Variants in ZSCAN18 observed in about 807,000 individuals in gnomAD.
ZSCAN18 encodes zinc finger and SCAN domain-containing protein 18.
Under a neutral mutation model 31.1 loss-of-function variants are expected in ZSCAN18, and 16 were observed. That is an observed-to-expected ratio of 0.51 (90% CI 0.35 to 0.78). The LOEUF is 0.78. Among genes scored for constraint, ZSCAN18 ranks in the 30% least tolerant of loss-of-function variants. The pLI is 0.01. For missense variants in ZSCAN18, 731 were observed against 697.4 expected (o/e 1.05, Z -0.54); for synonymous variants, 375 against 320.7 (o/e 1.17, Z -1.81).
rs557954903 is a variant in ZSCAN18, at chr19:58,112,669, T to C, written c.130+5598A>G. ...GTCTCAAAAAAAAGAAAAAAAAGTT[T>C]AGGCCAAGCTCAGCTGACGCCTGTA... On this transcript the variant is annotated intron_variant, in intron 1 of 1. Transcript: ENST00000595721. Among the ~76,000 whole-genome samples the C allele has an allele frequency of 1.0e-4, 15 of 145,564 alleles. No homozygotes were observed. The South Asian group carries it at 2.4e-3, about 23-fold the overall frequency.
At chr19:58,108,341 G>A (rs375672465) in intron 1 of ZSCAN18, 10 of 985,308 alleles carry the variant, frequency 1.0e-5, no homozygotes, top group African/African-American at 8.7e-5. Flanking sequence ...CATTACATTC[G>A]AATAGTTTTT....
upstream of ZSCAN18, among the ~76,000 whole-genome samples, chr19:58,103,128 A>G (rs1044493106): frequency 6.6e-6 from 1 of 151,784 alleles, no homozygotes; most frequent in Non-Finnish European, 1.5e-5. Context: ...TCTAAAAAAA[A>G]ATAAAAAAAT....
upstream of ZSCAN18, chr19:58,098,415 C>A (rs1041598253): frequency 1.0e-6 from 1 of 980,484 alleles, no homozygotes; most frequent in Non-Finnish European, 1.2e-6. Context: ...TCATTTTGGG[C>A]ACCATGGCAA....
intron 1 of ZSCAN18, among the ~76,000 whole-genome samples, chr19:58,111,707 G>A (rs547668791): frequency 1.3e-5 from 2 of 152,176 alleles, no homozygotes; most frequent in East Asian, 3.9e-4. Flanking sequence ...ATTCCTCTCA[G>A]ACTCTTCCAA....
At chr19:58,118,076 A>AG (rs930487661) in intron 1 of ZSCAN18, among the ~76,000 whole-genome samples, 52 of 152,164 alleles carry the variant, frequency 3.4e-4, no homozygotes, top group African/African-American at 1.2e-3. Context: ...CCGCACGCCA[A>AG]GGGGAGAAGA....
chr19:58,089,886 C>A lies in ZSCAN18; in HGVS notation c.382G>T (p.Ala128Ser). ...CCACCTGGCTCTTCCAGGACATCAG[C>A]GAGGCCCTCCACCAGGGAGGCTGCC... The part of the protein sequence containing the change: ...KKAASLVEGL[A>S]DVLEEPGMLL... Residue 128 changes from alanine to serine, a missense_variant, in exon 2 of 7, where the codon GCT becomes TCT. Physicochemically the swap from Ala to Ser is moderately conservative, Grantham distance 99 (BLOSUM62 1). Coordinates refer to ENST00000601144, the MANE Select transcript of ZSCAN18 (RefSeq NM_001145543.2). 1 of 1,611,482 alleles carries A rather than the reference C, an allele frequency of 6.2e-7. No individual in the cohort carries two copies. The highest frequency in any genetic ancestry group is 2.2e-5 in the East Asian group (1 of 44,834).
chr19:58,117,936 G>C (rs2074745243), intron 1 of ZSCAN18, among the ~76,000 whole-genome samples: 1 of 152,280 alleles, frequency 6.6e-6, no homozygotes, highest in South Asian at 2.1e-4. Flanking sequence ...AAGGGTATGG[G>C]GGCCCACGCC....
intron 1 of ZSCAN18, chr19:58,118,204 G>T: frequency 1.2e-6 from 1 of 806,982 alleles, no homozygotes; most frequent in Non-Finnish European, 1.8e-6. Flanking sequence ...TACCCTCACA[G>T]ACAGAAAGAG....
rs1426813537 is a variant in ZSCAN18, at chr19:58,085,244, T to G, written c.974A>C (p.Glu325Ala). Residue 325 changes from glutamate (E) to alanine (A), a missense_variant, in exon 7 of 7, where the codon GAG becomes GCG. Glu to Ala is a moderately radical substitution (Grantham distance 107). Coordinates refer to ENST00000601144, the MANE Select transcript of ZSCAN18 (RefSeq NM_001145543.2). ...CGGGGCCTTCCCAGGCTGCTCTTCC[T>G]CCTCCTCAGTGGTGCCCGACGGGGG... ...ADPPSGTTEE[E>A]EEQPGKAPDP... 1 of 1,606,526 alleles carries G rather than the reference T, an allele frequency of 6.2e-7. No homozygotes were observed. Among genetic ancestry groups the G allele is most frequent in the African/African-American group, 1.3e-5 (1 of 74,800 alleles).
In ZSCAN18 at chr19:58,112,370, G is replaced by A. The variant is rs1003924276; in HGVS notation, c.130+5897C>T. On this transcript the variant is annotated intron_variant, in intron 1 of 1. Coordinates refer to the ZSCAN18 transcript ENST00000595721. ...GGCATGATTAAAAAACATACTCAAG[G>A]CTGGGCGTGGTGGCTCACGCCTGTA... Among the ~76,000 whole-genome samples the A allele has an allele frequency of 2.6e-5, 4 of 152,206 alleles. No homozygotes were observed. The East Asian group carries it at 7.8e-4, about 30-fold the overall frequency.
At chr19:58,098,371 G>T (rs2074562627), upstream of ZSCAN18, 19 of 985,406 alleles carry the variant, frequency 1.9e-5, no homozygotes, top group Admixed American at 1.2e-3. Flanking sequence ...CGCGAGTGTG[G>T]CCTCCCGGCG....
At chr19:58,088,529 C>A in intron 3 of ZSCAN18, 159 bp downstream of exon 3, 1 of 662,830 alleles carries the variant, frequency 1.5e-6, no homozygotes, top group South Asian at 2.1e-5. Flanking sequence ...TAAACAATGT[C>A]TAACATTCAG....
intron 1 of ZSCAN18, among the ~76,000 whole-genome samples, chr19:58,115,639 G>C (rs900051349): frequency 3.9e-5 from 6 of 152,202 alleles, no homozygotes; most frequent in Non-Finnish European, 5.9e-5. Flanking sequence ...CCTCTCTGAA[G>C]AACAATTCAG....
At chr19:58,107,703 G>C (rs945046072) in intron 1 of ZSCAN18, 5 of 988,674 alleles carry the variant, frequency 5.1e-6, no homozygotes, top group African/African-American at 1.7e-5. Flanking sequence ...CTCTGACAAA[G>C]AGGAGGCAAA....
rs1475558436 is a variant in ZSCAN18 at position 58,116,804 on chromosome 19, G to A, written c.130+1463C>T. 2.6e-5 allele frequency among the ~76,000 whole-genome samples: 4 copies of A among 152,320 alleles called. No homozygotes were observed. The South Asian group carries it at 6.2e-4, about 24-fold the overall frequency. Reference sequence around the variant, plus strand: ...TGACCTGACAGGCTTCCACTGAATCGTGAGGAGGCCAGAGGCACGGGAGCA... The same window carrying A: ...TGACCTGACAGGCTTCCACTGAATCATGAGGAGGCCAGAGGCACGGGAGCA... On this transcript the variant is annotated intron_variant, in intron 1 of 1. Coordinates refer to the ZSCAN18 transcript ENST00000595721.
chr19:58,115,680 T>C (rs1029813488), intron 1 of ZSCAN18, among the ~76,000 whole-genome samples: 1 of 152,180 alleles, frequency 6.6e-6, no homozygotes, highest in Non-Finnish European at 1.5e-5. Flanking sequence ...AAATTCTAAA[T>C]GCCAAGAGAT....
Position 58,086,275 on chromosome 19 carries a change from G to T in ZSCAN18, c.746-9C>A. 6.2e-7 allele frequency: 1 copy of T among 1,612,576 alleles called. No homozygotes were observed. Among genetic ancestry groups the T allele is most frequent in the South Asian group, 1.1e-5 (1 of 91,060 alleles). On this transcript the variant is annotated splice_polypyrimidine_tract_variant and intron_variant, in intron 5 of 6. Coordinates refer to ENST00000601144, the MANE Select transcript of ZSCAN18 (RefSeq NM_001145543.2). ...CTGGGAAAGCTGATACCCTGAGTGG[G>T]GTTAAAAACCAAAGAAATAAAAGGC...
At chr19:58,087,133 T>C in intron 4 of ZSCAN18, 125 bp from the exon 5 acceptor site, 1 of 979,466 alleles carries the variant, frequency 1.0e-6, no homozygotes, top group East Asian at 2.6e-5. Context: ...CCAGGTGCAC[T>C]GCAGGAGGCA....
chr19:58,098,307 C>A, upstream of ZSCAN18: 2 of 985,474 alleles, frequency 2.0e-6, no homozygotes, highest in South Asian at 4.7e-5. Context: ...CTGTGCCGCG[C>A]ACCGGGGCGA....
Sources: gnomAD v4.1 joint callset for allele counts (sites outside exome capture counted in the v4.1 genomes callset) on GRCh38, gnomAD v4.1.1 for gene constraint, MANE v1.5 for transcripts, NCBI Gene and HGNC (gene_info 2026-07-23, HGNC 2026-07-21) for gene names.